SMYD3: variants seen among roughly 807,000 people sequenced by gnomAD.
The protein encoded by SMYD3 is histone-lysine N-methyltransferase SMYD3.
Under a neutral mutation model 57.7 loss-of-function variants are expected in SMYD3, and 36 were observed. That is an observed-to-expected ratio of 0.62 (90% CI 0.48 to 0.82). The LOEUF (loss-of-function observed/expected upper bound fraction) is 0.82. Among genes scored for constraint, SMYD3 ranks in the 40% least tolerant of loss-of-function variants. SMYD3 has a pLI of 0.00. For synonymous variants in SMYD3, 211 were observed against 195.0 expected (o/e 1.08, Z -0.68); for missense variants, 515 against 538.8 (o/e 0.96, Z 0.44).
chr1:246,506,388 C>A (rs577363061), intron 1 of SMYD3, among the ~76,000 whole-genome samples: 1 of 152,324 alleles, frequency 6.6e-6, no homozygotes, highest in South Asian at 2.1e-4. Flanking sequence ...CATTAAATGG[C>A]ACAGCACACG....
intron 10 of SMYD3, among the ~76,000 whole-genome samples, chr1:245,769,384 G>C (rs2046246871): frequency 6.6e-6 from 1 of 152,134 alleles, no homozygotes; most frequent in Admixed American, 6.5e-5. Context: ...TCTAACCAAG[G>C]CTGCAAAGTC....
chr1:245,993,623 TAGATAGATAGACAGAC>T lies in SMYD3; in HGVS notation c.532-63702_532-63687del, dbSNP rs1337825308. Among the ~76,000 whole-genome samples, 471 of 96,688 alleles carry T rather than the reference TAGATAGATAGACAGAC, an allele frequency of 4.9e-3. 5 individuals are homozygous for T. Among genetic ancestry groups the T allele is most frequent in the African/African-American group, 0.016 (452 of 27,658 alleles). The allele number at this position is 96,688 out of a possible 152,430, so 63.4% of individuals were successfully genotyped here. A position where few individuals can be genotyped will look rare whatever the true frequency, so the allele number is the denominator to read the frequency against. On this transcript the variant is annotated intron_variant, in intron 5 of 11. Coordinates refer to ENST00000490107, the MANE Select transcript of SMYD3 (RefSeq NM_001167740.2). ...ATAGATAGATAGATAGATAGATAGATAGATAGATAGACAGACAGACAGACAGACAGACAGACAGACA... is the reference window on the plus strand; with the variant it reads ...ATAGATAGATAGATAGATAGATAGATAGACAGACAGACAGACAGACAGACA...
At chr1:245,877,877 G>A (rs777524434) in intron 8 of SMYD3, among the ~76,000 whole-genome samples, 5 of 152,162 alleles carry the variant, frequency 3.3e-5, no homozygotes, top group Non-Finnish European at 7.3e-5. Context: ...GAGAAGTGTC[G>A]ACTTGGAAGT....
chr1:246,079,849 A>G (rs1044509716), intron 5 of SMYD3, among the ~76,000 whole-genome samples: 1 of 152,238 alleles, frequency 6.6e-6, no homozygotes, highest in African/African-American at 2.4e-5. Context: ...AAATGTTGGT[A>G]TTAATTTTAA....
chr1:246,257,776 A>T (rs1382310157), intron 5 of SMYD3, among the ~76,000 whole-genome samples: 2 of 151,970 alleles, frequency 1.3e-5, no homozygotes, highest in Admixed American at 6.6e-5. Flanking sequence ...AGAACTTGAT[A>T]TGGTTTGGAT....
intron 5 of SMYD3, among the ~76,000 whole-genome samples, chr1:245,965,444 T>C (rs914720424): frequency 9.2e-5 from 14 of 152,192 alleles, no homozygotes; most frequent in South Asian, 2.1e-4. Flanking sequence ...CAGTATCATA[T>C]AAAATCCAGC....
intron 8 of SMYD3, among the ~76,000 whole-genome samples, chr1:245,878,089 A>G (rs2052584048): frequency 6.6e-6 from 1 of 152,144 alleles, no homozygotes. Context: ...AAAGGAGGTC[A>G]ATGGATTTGA....
At chr1:246,207,318 G>A (rs3845517) in intron 5 of SMYD3, among the ~76,000 whole-genome samples, 34,107 of 151,912 alleles carry the variant, frequency 0.22, 4,368 homozygotes, top group East Asian at 0.34. Context: ...CTGGATGCAG[G>A]TTTCTCTTTT....
intron 5 of SMYD3, among the ~76,000 whole-genome samples, chr1:246,108,238 G>C (rs963402207): frequency 6.6e-6 from 1 of 152,144 alleles, no homozygotes; most frequent in Non-Finnish European, 1.5e-5. Flanking sequence ...AGAGGCTGTG[G>C]AACAAGAACC....
In SMYD3 at chr1:246,313,049, G is replaced by A. The variant is rs1385767483; in HGVS notation, c.531+14152C>T. On this transcript the variant is annotated intron_variant, in intron 5 of 11. Transcript: ENST00000490107. ...CCCACCTCAGCCTCCCAAGTAGCTG[G>A]GACCACAGGCATGAGCCACCACAAT... is the stretch of plus-strand genomic sequence containing the variant. Among the ~76,000 whole-genome samples, 3 of 152,018 alleles carry A rather than the reference G, an allele frequency of 2.0e-5. No homozygotes were observed. In the East Asian group the frequency reaches 5.8e-4, roughly 29 times the overall value.
intron 5 of SMYD3, among the ~76,000 whole-genome samples, chr1:246,269,543 C>CTTTTTTTTTTT (rs570972296): frequency 4.4e-5 from 6 of 135,230 alleles, no homozygotes; most frequent in Non-Finnish European, 6.3e-5. Context: ...CTTTTTTTTT[C>CTTTTTTTTTTT]TTTTTTTTTT....
chr1:246,302,785 G>T (rs150517717), intron 5 of SMYD3, among the ~76,000 whole-genome samples: 232 of 152,220 alleles, frequency 1.5e-3, no homozygotes, highest in African/African-American at 5.0e-3. Flanking sequence ...AGAACTGGCA[G>T]GAGTTAATAG....
chr1:246,173,476 G>A (rs1452998164), intron 5 of SMYD3, among the ~76,000 whole-genome samples: 1 of 152,128 alleles, frequency 6.6e-6, no homozygotes, highest in Non-Finnish European at 1.5e-5. Flanking sequence ...TTTGACTCTT[G>A]TAATAATACT....
chr1:246,345,346 T>C (rs1025405269), intron 2 of SMYD3, among the ~76,000 whole-genome samples: 34 of 152,362 alleles, frequency 2.2e-4, no homozygotes, highest in Admixed American at 7.2e-4. Flanking sequence ...GGCACCTTTG[T>C]TGAAAATCAA....
At chr1:246,156,670 A>G (rs910160587) in intron 5 of SMYD3, among the ~76,000 whole-genome samples, 1 of 152,186 alleles carries the variant, frequency 6.6e-6, no homozygotes, top group African/African-American at 2.4e-5. Context: ...CTAAATTAAC[A>G]TTTGCAAGAA....
intron 5 of SMYD3, among the ~76,000 whole-genome samples, chr1:245,937,395 T>C (rs772749470): frequency 6.6e-6 from 1 of 152,182 alleles, no homozygotes; most frequent in Non-Finnish European, 1.5e-5. Flanking sequence ...ACAGAACTTA[T>C]AAACAACTAT....
chr1:246,034,848 T>A (rs984578865), intron 5 of SMYD3, among the ~76,000 whole-genome samples: 1 of 152,114 alleles, frequency 6.6e-6, no homozygotes, highest in Non-Finnish European at 1.5e-5. Context: ...TTTCCCAGAG[T>A]TCTCCATCCC....
At chr1:245,922,089 C>A (rs566415421) in intron 7 of SMYD3, among the ~76,000 whole-genome samples, 165 of 152,280 alleles carry the variant, frequency 1.1e-3, no homozygotes, top group African/African-American at 3.1e-3. Flanking sequence ...CTTATCCATT[C>A]TTAAGAATGG....
intron 1 of SMYD3, among the ~76,000 whole-genome samples, chr1:246,472,254 G>A (rs80214677): frequency 0.13 from 20,460 of 151,868 alleles, 3,629 homozygotes; most frequent in African/African-American, 0.41. Context: ...TCTTGTGGAA[G>A]AAGAAAAAAA....
Sources: allele counts gnomAD v4.1 joint callset (sites outside exome capture counted in the v4.1 genomes callset), GRCh38; gene constraint gnomAD v4.1.1; transcripts MANE v1.5; gene names NCBI Gene and HGNC (gene_info 2026-07-23, HGNC 2026-07-21).